Variants in ANKRD50 observed in about 807,000 individuals in gnomAD.
ANKRD50 encodes the protein ankyrin repeat domain 50.
ANKRD50 carries 40 observed loss-of-function variants against 112.0 expected under a neutral mutation model. That is an observed-to-expected ratio of 0.36 (90% CI 0.28 to 0.46). The LOEUF (loss-of-function observed/expected upper bound fraction) is 0.46. Ranked by LOEUF, ANKRD50 falls within the 20% of genes least tolerant of loss-of-function variation. ANKRD50 has a pLI of 1.00. For synonymous variants in ANKRD50, 613 were observed against 619.1 expected, an observed-to-expected ratio of 0.99 and a Z score of 0.15; for missense variants, 1,487 against 1,701.7, an observed-to-expected ratio of 0.87 and a Z score of 2.22.
chr4:124,682,878 T>C (rs1328553942), intron 2 of ANKRD50, among the ~76,000 whole-genome samples: 1 of 152,124 alleles, frequency 6.6e-6, no homozygotes, highest in Non-Finnish European at 1.5e-5. Flanking sequence ...CTTAATGTAG[T>C]TGTTAATAGG....
intron 2 of ANKRD50, among the ~76,000 whole-genome samples, chr4:124,709,247 CA>C (rs35850669): frequency 6.7e-6 from 1 of 149,752 alleles, no homozygotes; most frequent in Non-Finnish European, 1.5e-5. Context: ...GCATGATATG[CA>C]AAAAAAAATG....
chr4:124,699,131 G>A (rs1725326219), intron 2 of ANKRD50, among the ~76,000 whole-genome samples: 1 of 151,970 alleles, frequency 6.6e-6, no homozygotes, highest in Non-Finnish European at 1.5e-5. Flanking sequence ...TTCACAAGAA[G>A]GGTCATCTAT....
Position 124,712,700 on chromosome 4 carries a change from A to ACCG in ANKRD50, c.-1009_-1007dup, listed in dbSNP as rs574816496. 1.6e-3 allele frequency: 236 copies of ACCG among 151,848 alleles called. No homozygotes were observed. The highest frequency in any genetic ancestry group is 5.7e-3 in the African/African-American group (221 of 39,060). The allele number at this position is 151,848 out of a possible 1,614,324, so 9.4% of individuals were successfully genotyped here. ...TGCTCGCCCCAGCCCCCACCGGCCA[A>ACCG]CCGCCGCCGCCGCCGCCGTCAGGGC... On this transcript the variant is annotated 5_prime_UTR_variant, in exon 1 of 5. Coordinates refer to ENST00000504087, the MANE Select transcript of ANKRD50 (RefSeq NM_020337.3).
At position 124,710,280 on chromosome 4, in the gene ANKRD50, C is replaced by T. The variant is rs1434749396; in HGVS notation, c.232G>A (p.Gly78Arg). 2 of 1,614,218 alleles carry T rather than the reference C, an allele frequency of 1.2e-6. No individual in the cohort carries two copies. Among genetic ancestry groups the T allele is most frequent in the East Asian group, 2.2e-5 (1 of 44,888 alleles). Residue 78 changes from glycine (G) to arginine (R), a missense_variant, in exon 2 of 5, where the codon GGG becomes AGG. Physicochemically the swap from Gly to Arg is moderately radical, Grantham distance 125. Transcript: ENST00000504087. ...GAAWGVLLVG[G>R]PGSGKTALCT... ...AGGGCCGTCTTGCCACTGCCAGGCC[C>T]TCCTACCAACAACACACCCCAGGCA...
rs575694399 is a variant in ANKRD50, at chr4:124,682,285, C to T, written c.513-3380G>A. Among the ~76,000 whole-genome samples the T allele has an allele frequency of 1.9e-3, 269 of 144,418 alleles. 2 individuals are homozygous for T. Among genetic ancestry groups the T allele is most frequent in the Non-Finnish European group, 2.5e-3 (168 of 66,770 alleles). The allele number at this position is 144,418 out of a possible 152,430, so 94.7% of individuals were successfully genotyped here. A position where few individuals can be genotyped will look rare whatever the true frequency, so the allele number is the denominator to read the frequency against. ...GAACCGAGATTGCGCCACTGCAGTC[C>T]GCAGTCCGGCCTGGGCGACAGAGCA... is the stretch of plus-strand genomic sequence containing the variant. On this transcript the variant is annotated intron_variant, in intron 2 of 4. Transcript: ENST00000504087.
rs754367955 is a variant in ANKRD50, at chr4:124,710,551, T to C, written c.-40A>G. 2 of 1,553,300 alleles carry C rather than the reference T, an allele frequency of 1.3e-6. No homozygotes were observed. The highest frequency in any genetic ancestry group is 2.4e-5 in the South Asian group (2 of 84,676). On this transcript the variant is annotated 5_prime_UTR_variant, in exon 2 of 5. The change abolishes an upstream ATG in the 5' untranslated region. Transcript: ENST00000504087. ...CTTCATTTGCTAGAGTCTGGATACA[T>C]CAACACAGGTCTTTCCATCCATTAT...
chr4:124,682,961 C>T lies in ANKRD50; in HGVS notation c.513-4056G>A, dbSNP rs1353033487. On this transcript the variant is annotated intron_variant, in intron 2 of 4. Coordinates refer to ENST00000504087, the MANE Select transcript of ANKRD50 (RefSeq NM_020337.3). Reference sequence around the variant, plus strand: ...ACATGTATGTCAGTAGGATATATTACTAGGAATAGAATTGTTAGATTAAGG... The same window carrying T: ...ACATGTATGTCAGTAGGATATATTATTAGGAATAGAATTGTTAGATTAAGG... Among the ~76,000 whole-genome samples, 7 of 151,896 alleles carry T rather than the reference C, an allele frequency of 4.6e-5. No individual in the cohort carries two copies. The South Asian group carries it at 1.2e-3, about 27-fold the overall frequency.
chr4:124,690,544 A>G (rs963558320), intron 2 of ANKRD50, among the ~76,000 whole-genome samples: 1 of 152,228 alleles, frequency 6.6e-6, no homozygotes, highest in Non-Finnish European at 1.5e-5. Flanking sequence ...GGTAATTAAA[A>G]CTAGGACAAT....
At position 124,671,510 on chromosome 4, in the gene ANKRD50, T is replaced by C. The variant is rs764573284; in HGVS notation, c.1767A>G (p.Gly589=). ...TCAAACAATTAACCACCTTGGTATG[T>C]CCCTGTCTAGCCGCTAGAGTGAGTG... ...HTPLTLAARQ[G]HTKVVNCLIG... Residue 589 remains glycine (G), a synonymous_variant, in exon 4 of 5, where the codon GGA becomes GGG. Transcript: ENST00000504087. The C allele has an allele frequency of 1.2e-6, 2 of 1,613,812 alleles. No homozygotes were observed. The highest frequency in any genetic ancestry group is 3.3e-5 in the Admixed American group (2 of 59,966).
In ANKRD50 at chr4:124,691,446, T is replaced by C. The variant is rs371944563; in HGVS notation, c.513-12541A>G. On this transcript the variant is annotated intron_variant, in intron 2 of 4. Transcript: ENST00000504087. ...AGCGGAGCTTGCAGTGAGCCGAGATTGCGCCACTGCAGTCCGCAGTCCGGC... is the reference window on the plus strand; with the variant it reads ...AGCGGAGCTTGCAGTGAGCCGAGATCGCGCCACTGCAGTCCGCAGTCCGGC... Among the ~76,000 whole-genome samples the C allele has an allele frequency of 8.7e-5, 11 of 126,766 alleles. No homozygotes were observed. The East Asian group carries it at 1.8e-3, about 21-fold the overall frequency. 83.2% of individuals were successfully genotyped at this position (126,766 alleles called of 152,430 possible).
chr4:124,695,211 G>A (rs1326254186), intron 2 of ANKRD50, among the ~76,000 whole-genome samples: 2 of 152,104 alleles, frequency 1.3e-5, no homozygotes, highest in Non-Finnish European at 2.9e-5. Flanking sequence ...TTCAAGATAT[G>A]AGAGGGCTTG....
At chr4:124,675,503 T>G (rs2110511087) in intron 3 of ANKRD50, among the ~76,000 whole-genome samples, 1 of 151,878 alleles carries the variant, frequency 6.6e-6, no homozygotes, top group South Asian at 2.1e-4. Context: ...GAAAGGTTTG[T>G]CAATGTTAAA....
intron 2 of ANKRD50, among the ~76,000 whole-genome samples, chr4:124,695,802 A>G (rs1406743688): frequency 6.6e-6 from 1 of 152,186 alleles, no homozygotes; most frequent in Non-Finnish European, 1.5e-5. Flanking sequence ...TAAAAATAAT[A>G]TAAATAAACC....
At chr4:124,699,778 C>CA (rs773071408) in intron 2 of ANKRD50, among the ~76,000 whole-genome samples, 1,686 of 122,500 alleles carry the variant, frequency 0.014, 18 homozygotes, top group African/African-American at 0.042. Context: ...AATTGTTCTA[C>CA]AAAAAAAAAA....
intron 3 of ANKRD50, among the ~76,000 whole-genome samples, chr4:124,673,983 G>A (rs2110510256): frequency 6.6e-6 from 1 of 152,028 alleles, no homozygotes; most frequent in Non-Finnish European, 1.5e-5. Context: ...AAAAGTCACT[G>A]CTCACCTAAG....
Position 124,671,352 on chromosome 4 carries a change from G to A in ANKRD50, c.1925C>T (p.Ala642Val). The part of the protein sequence containing the change: ...YAGVKVDCAD[A>V]DSRTALRAAA... ...TGCTCTCAAAGCTGTTCGGCTATCA[G>A]CATCTGCACAATCCACTTTTACGCC... The change falls in exon 4 of 5, where the codon GCT (alanine) becomes GTT (valine). Residue 642 changes from alanine (A) to valine (V), a missense_variant. By Grantham distance (64) the Ala-to-Val change is moderately conservative. Transcript: ENST00000504087. 1 of 1,613,796 alleles carries A rather than the reference G, an allele frequency of 6.2e-7. No homozygotes were observed. The highest frequency in any genetic ancestry group is 8.5e-7 in the Non-Finnish European group (1 of 1,179,840).
intron 3 of ANKRD50, among the ~76,000 whole-genome samples, chr4:124,673,530 C>A (rs1386182626): frequency 1.3e-5 from 2 of 152,024 alleles, no homozygotes; most frequent in Non-Finnish European, 2.9e-5. Flanking sequence ...GCAGTTGCAG[C>A]AGCAGCAGCA....
rs140232140 is a variant in ANKRD50 at position 124,672,177 on chromosome 4, G to A, written c.1100C>T (p.Thr367Met). Reference protein sequence around the residue: ...ILAACRPLTITELYHAVWTKN... With the variant: ...ILAACRPLTIMELYHAVWTKN... Reference sequence around the variant, plus strand: ...GGTCCATACTGCGTGATATAATTCCGTTATGGTCAAAGGTCGGCAGGCTGC... The same window carrying A: ...GGTCCATACTGCGTGATATAATTCCATTATGGTCAAAGGTCGGCAGGCTGC... The change falls in exon 4 of 5, where the codon ACG becomes ATG. Residue 367 changes from threonine to methionine, a missense_variant. Coordinates refer to ENST00000504087, the MANE Select transcript of ANKRD50 (RefSeq NM_020337.3). 6.5e-3 allele frequency: 10,451 copies of A among 1,613,816 alleles called. 57 individuals are homozygous for A. The highest frequency in any genetic ancestry group is 0.014 in the African/African-American group (1,066 of 74,992).
In ANKRD50 at chr4:124,670,370, A is replaced by G; in HGVS notation, c.2907T>C (p.Gly969=). 1 of 1,613,894 alleles carries G rather than the reference A, an allele frequency of 6.2e-7. No homozygotes were observed. The highest frequency in any genetic ancestry group is 1.1e-5 in the South Asian group (1 of 91,072). The change falls in exon 4 of 5, where the codon GGT becomes GGC. Residue 969 remains glycine (G), a synonymous_variant. Coordinates refer to ENST00000504087, the MANE Select transcript of ANKRD50 (RefSeq NM_020337.3). ...CAGCATCACTTGCTTCTACGTTTGC[A>G]CCATTTTCTAAAAAATATTCGGCCA... is the stretch of plus-strand genomic sequence containing the variant. ...LTMAEYFLEN[G]ANVEASDAEG...
Sources: allele counts gnomAD v4.1 joint callset (sites outside exome capture counted in the v4.1 genomes callset), GRCh38; gene constraint gnomAD v4.1.1; transcripts MANE v1.5; gene names NCBI Gene and HGNC (gene_info 2026-07-23, HGNC 2026-07-21).